The following GABRG3 variants were observed in gnomAD, a reference collection of about 807,000 sequenced individuals.
GABRG3 encodes the protein gamma-aminobutyric acid type A receptor subunit gamma3.
A neutral mutation model predicts 48.8 loss-of-function variants in GABRG3; 25 were observed. The ratio of observed to expected loss-of-function variants is 0.51; its 90% CI spans 0.37 to 0.72. The LOEUF is 0.72. Among genes scored for constraint, GABRG3 ranks in the 30% least tolerant of loss-of-function variants. The probability of loss-of-function intolerance (pLI) is 0.00; values close to 1 mark genes in which losing one functional copy is unlikely to be tolerated. For synonymous variants in GABRG3, 227 were observed against 217.6 expected, an observed-to-expected ratio of 1.04 and a Z score of -0.38; for missense variants, 394 against 577.9, an observed-to-expected ratio of 0.68 and a Z score of 3.26.
intron 5 of GABRG3, among the ~76,000 whole-genome samples, chr15:27,473,395 GA>G (rs1889843009): frequency 6.6e-6 from 1 of 152,168 alleles, no homozygotes; most frequent in Non-Finnish European, 1.5e-5. Flanking sequence ...TTTTACAGGG[GA>G]AAGTGCTATG....
chr15:27,527,933 T>C lies in GABRG3; in HGVS notation c.1063T>C (p.Leu355=). 2 of 1,578,750 alleles carry C rather than the reference T, an allele frequency of 1.3e-6. No individual in the cohort carries two copies. Among genetic ancestry groups the C allele is most frequent in the Non-Finnish European group, 1.7e-6 (2 of 1,159,192 alleles). The change falls in exon 9 of 10, where the codon TTA becomes CTA. Residue 355 remains leucine, a splice_region_variant and synonymous_variant. Transcript: ENST00000615808. The stretch of plus-strand genomic sequence containing the variant: ...GTTATTTTTTCTTCTTTTCTTGTAG[T>C]TACTACATCCAGATTCCTCAAGATG... The part of the protein sequence containing the change: ...KPTTTKKTTS[L]LHPDSSRWIP...
intron 3 of GABRG3, among the ~76,000 whole-genome samples, chr15:27,246,263 T>A (rs1047599546): frequency 1.3e-5 from 2 of 152,110 alleles, no homozygotes; most frequent in African/African-American, 4.8e-5. Context: ...AAAATAAATA[T>A]ATAAATGTAA....
At chr15:27,326,749 C>A in intron 3 of GABRG3, 60 bp from the exon 4 acceptor site, 1 of 1,374,900 alleles carries the variant, frequency 7.3e-7, no homozygotes, top group Non-Finnish European at 1.0e-6. Flanking sequence ...ACAAAGAGAA[C>A]AAATTATACA....
chr15:27,388,959 A>G (rs1896137240), intron 5 of GABRG3, among the ~76,000 whole-genome samples: 1 of 152,168 alleles, frequency 6.6e-6, no homozygotes, highest in Admixed American at 6.5e-5. Context: ...ACAATCCAAT[A>G]TATTAGCTTT....
At chr15:27,110,522 G>T (rs1897529335) in intron 3 of GABRG3, among the ~76,000 whole-genome samples, 1 of 151,412 alleles carries the variant, frequency 6.6e-6, no homozygotes, top group South Asian at 2.1e-4. Flanking sequence ...TCTGCTTGTA[G>T]AACTTTTTTT....
intron 3 of GABRG3, among the ~76,000 whole-genome samples, chr15:27,033,217 C>T (rs1896116942): frequency 6.7e-6 from 1 of 149,972 alleles, no homozygotes; most frequent in Admixed American, 6.7e-5. Context: ...CATTACGTGC[C>T]CTGTCAGCAG....
chr15:27,296,264 A>T (rs1177392721), intron 3 of GABRG3, among the ~76,000 whole-genome samples: 3 of 152,216 alleles, frequency 2.0e-5, no homozygotes, highest in African/African-American at 7.2e-5. Context: ...GGATACTTGC[A>T]TATTTCTTTT....
intron 3 of GABRG3, among the ~76,000 whole-genome samples, chr15:27,273,382 A>G (rs1431729259): frequency 6.6e-6 from 1 of 152,252 alleles, no homozygotes. Context: ...TTGAGCCATC[A>G]GGTCAGTGGA....
chr15:27,120,262 A>G (rs1897708557), intron 3 of GABRG3, among the ~76,000 whole-genome samples: 1 of 152,164 alleles, frequency 6.6e-6, no homozygotes, highest in Non-Finnish European at 1.5e-5. Flanking sequence ...GAGCAGTTGC[A>G]TTGCTACTCA....
chr15:27,216,189 A>C (rs1273400517), intron 3 of GABRG3, among the ~76,000 whole-genome samples: 1 of 152,224 alleles, frequency 6.6e-6, no homozygotes, highest in Non-Finnish European at 1.5e-5. Flanking sequence ...CTTTGTGGGC[A>C]TTGCAGACCA....
chr15:27,028,133 C>T lies in GABRG3; in HGVS notation c.270+1312C>T, dbSNP rs112087970. Reference sequence around the variant, plus strand: ...GACGGGAATTTTCATGTGGAAATCACGGGCTGCAGAGAAGGAGGCCGAGTG... The same window carrying T: ...GACGGGAATTTTCATGTGGAAATCATGGGCTGCAGAGAAGGAGGCCGAGTG... On this transcript the variant is annotated intron_variant, in intron 3 of 9. Transcript: ENST00000615808. Among the ~76,000 whole-genome samples the T allele has an allele frequency of 2.2e-4, 33 of 152,248 alleles. No individual in the cohort carries two copies. In the South Asian group the frequency reaches 4.6e-3, roughly 21 times the overall value.
intron 3 of GABRG3, among the ~76,000 whole-genome samples, chr15:27,161,926 G>C (rs942433663): frequency 1.3e-5 from 2 of 151,976 alleles, no homozygotes; most frequent in African/African-American, 4.8e-5. Flanking sequence ...CCAAATGACA[G>C]GCTCTTCAAA....
At chr15:27,530,323 G>T (rs1367854946) in intron 9 of GABRG3, among the ~76,000 whole-genome samples, 1 of 152,142 alleles carries the variant, frequency 6.6e-6, no homozygotes, top group Non-Finnish European at 1.5e-5. Context: ...GGGAGTCAGG[G>T]ACCCAGCTGG....
At chr15:27,472,426 C>A (rs1324568077) in intron 5 of GABRG3, among the ~76,000 whole-genome samples, 3 of 152,102 alleles carry the variant, frequency 2.0e-5, no homozygotes, top group Non-Finnish European at 4.4e-5. Flanking sequence ...CAGGCACATA[C>A]CACCATGCCC....
Position 26,971,374 on chromosome 15 carries a change from C to A in GABRG3, c.-162C>A. On this transcript the variant is annotated 5_prime_UTR_variant, in exon 1 of 10. Transcript: ENST00000615808. ...CCGTGTGCGTCCAGTGTGCGCCCCG[C>A]GGGGGCGCGGCCAGCGCCAGAGTAG... The A allele has an allele frequency of 2.3e-6, 1 of 433,864 alleles. No individual in the cohort carries two copies. The highest frequency in any genetic ancestry group is 3.8e-6 in the Non-Finnish European group (1 of 265,040). 26.9% of individuals were successfully genotyped at this position (433,864 alleles called of 1,614,324 possible).
intron 5 of GABRG3, among the ~76,000 whole-genome samples, chr15:27,424,615 A>T (rs1888234839): frequency 6.9e-6 from 1 of 145,864 alleles, no homozygotes; most frequent in East Asian, 2.0e-4. Context: ...GTGCAATGGC[A>T]TGATCTCAGC....
intron 5 of GABRG3, among the ~76,000 whole-genome samples, chr15:27,438,721 G>C (rs1888692710): frequency 6.6e-6 from 1 of 152,212 alleles, no homozygotes; most frequent in South Asian, 2.1e-4. Flanking sequence ...ATCACCAAGA[G>C]AATGCCAAGA....
At chr15:27,398,020 G>A (rs1417785744) in intron 5 of GABRG3, among the ~76,000 whole-genome samples, 1 of 151,976 alleles carries the variant, frequency 6.6e-6, no homozygotes, top group African/African-American at 2.4e-5. Context: ...TAGCCAGGAT[G>A]GTCTCGATCC....
intron 3 of GABRG3, among the ~76,000 whole-genome samples, chr15:27,272,509 T>A (rs1245452750): frequency 6.6e-6 from 1 of 152,196 alleles, no homozygotes; most frequent in Non-Finnish European, 1.5e-5. Context: ...CAAAGAGGTG[T>A]CTATGACTGC....
Sources: gnomAD v4.1 joint callset for allele counts (sites outside exome capture counted in the v4.1 genomes callset) on GRCh38, gnomAD v4.1.1 for gene constraint, MANE v1.5 for transcripts, NCBI Gene and HGNC (gene_info 2026-07-23, HGNC 2026-07-21) for gene names.